The following SHROOM3 variants were observed in gnomAD, a reference collection of about 807,000 sequenced individuals.
The protein encoded by SHROOM3 is protein Shroom3.
A neutral mutation model predicts 138.6 loss-of-function variants in SHROOM3; 47 were observed. The observed-to-expected ratio is 0.34, with a 90% CI of 0.27 to 0.43. SHROOM3 has a LOEUF of 0.43. SHROOM3 is among the 20% of genes least tolerant of loss of function. The probability of loss-of-function intolerance (pLI) is 1.00; values close to 1 mark genes in which losing one functional copy is unlikely to be tolerated. For synonymous variants in SHROOM3, 1,062 were observed against 1,063.3 expected (o/e 1.00, Z 0.02); for missense variants, 2,491 against 2,596.5 (o/e 0.96, Z 0.88).
intron 1 of SHROOM3, among the ~76,000 whole-genome samples, chr4:76,438,029 A>G (rs934718232): frequency 7.9e-5 from 12 of 152,168 alleles, no homozygotes; most frequent in African/African-American, 2.9e-4. Flanking sequence ...GCAACCATGC[A>G]TTTAGGTTAG....
chr4:76,674,523 C>CTCTT (rs1187522345), intron 2 of SHROOM3, among the ~76,000 whole-genome samples: 12 of 142,784 alleles, frequency 8.4e-5, no homozygotes, highest in Non-Finnish European at 1.2e-4. Flanking sequence ...CTCTCTCTTT[C>CTCTT]TCTTTCTTTC....
intron 5 of SHROOM3, among the ~76,000 whole-genome samples, chr4:76,746,543 C>G (rs913408950): frequency 2.0e-5 from 3 of 152,092 alleles, no homozygotes; most frequent in African/African-American, 7.2e-5. Context: ...AATGTTTGCA[C>G]AAGGACAAAA....
chr4:76,694,461 T>C lies in SHROOM3; in HGVS notation c.324-15695T>C, dbSNP rs139988736. On this transcript the variant is annotated intron_variant, in intron 2 of 10. Transcript: ENST00000296043. ...TTAATTGATGTTATTTTCTTAAACATTGGCATTTCTCATTAAGGCTTCACT... is the reference window on the plus strand; with the variant it reads ...TTAATTGATGTTATTTTCTTAAACACTGGCATTTCTCATTAAGGCTTCACT... Among the ~76,000 whole-genome samples, 7 of 152,336 alleles carry C rather than the reference T, an allele frequency of 4.6e-5. No homozygotes were observed. The East Asian group carries it at 1.2e-3, about 25-fold the overall frequency.
At chr4:76,700,021 A>ACC (rs1290989021) in intron 2 of SHROOM3, among the ~76,000 whole-genome samples, 1 of 152,112 alleles carries the variant, frequency 6.6e-6, no homozygotes. Context: ...ACTGCAGGGA[A>ACC]CCCATCAGGA....
At chr4:76,556,456 C>A (rs75190227) in intron 2 of SHROOM3, among the ~76,000 whole-genome samples, 3 of 152,256 alleles carry the variant, frequency 2.0e-5, no homozygotes, top group African/African-American at 7.2e-5. Context: ...TAATCACTAT[C>A]CCCATTTTAC....
chr4:76,595,929 T>TG (rs1308961743), intron 2 of SHROOM3, among the ~76,000 whole-genome samples: 1 of 152,252 alleles, frequency 6.6e-6, no homozygotes, highest in East Asian at 1.9e-4. Flanking sequence ...GCAGAACTCT[T>TG]GCAGTTGTTA....
intron 2 of SHROOM3, among the ~76,000 whole-genome samples, chr4:76,686,761 T>A (rs962886199): frequency 1.3e-5 from 2 of 152,212 alleles, no homozygotes; most frequent in Non-Finnish European, 2.9e-5. Context: ...ATTATATTTA[T>A]CTTTCACTGA....
intron 3 of SHROOM3, among the ~76,000 whole-genome samples, chr4:76,726,610 C>T (rs1720713610): frequency 6.6e-6 from 1 of 150,388 alleles, no homozygotes; most frequent in Non-Finnish European, 1.5e-5. Context: ...GGCACACAGT[C>T]ATTGCTCGCT....
chr4:76,718,182 C>G (rs1720431617), intron 3 of SHROOM3, among the ~76,000 whole-genome samples: 1 of 152,162 alleles, frequency 6.6e-6, no homozygotes, highest in Non-Finnish European at 1.5e-5. Flanking sequence ...ATTTGCTCAT[C>G]TATATATAGA....
chr4:76,767,135 C>G (rs1264586086), intron 9 of SHROOM3, among the ~76,000 whole-genome samples: 1 of 152,088 alleles, frequency 6.6e-6, no homozygotes, highest in African/African-American at 2.4e-5. Context: ...GTTTGAAGCC[C>G]GATTGCAGTT....
At position 76,658,686 on chromosome 4, in the gene SHROOM3, G is replaced by C. The variant is rs556501614; in HGVS notation, c.324-51470G>C. ...CATGTGTGTATGTGTGTGTGTGTTT[G>C]TGTGTGTGTGCACATGCCCGCATGT... On this transcript the variant is annotated intron_variant, in intron 2 of 10. Transcript: ENST00000296043. Among the ~76,000 whole-genome samples, 5 of 151,936 alleles carry C rather than the reference G, an allele frequency of 3.3e-5. No homozygotes were observed. In the South Asian group the frequency reaches 1.0e-3, roughly 32 times the overall value.
chr4:76,453,304 G>A (rs1288603548), intron 1 of SHROOM3, among the ~76,000 whole-genome samples: 2 of 151,546 alleles, frequency 1.3e-5, no homozygotes, highest in Middle Eastern at 3.4e-3. Context: ...TAAGAGACAG[G>A]GTCTTGCTCC....
intron 1 of SHROOM3, among the ~76,000 whole-genome samples, chr4:76,504,214 A>G (rs530298697): frequency 1.3e-5 from 2 of 152,222 alleles, no homozygotes; most frequent in African/African-American, 4.8e-5. Flanking sequence ...GCTGGAGTGT[A>G]ATGGCACGAT....
chr4:76,515,552 G>C (rs979925405), intron 1 of SHROOM3, among the ~76,000 whole-genome samples: 2 of 152,150 alleles, frequency 1.3e-5, no homozygotes, highest in Non-Finnish European at 2.9e-5. Flanking sequence ...AACTTCTAAT[G>C]AGCACATTGA....
intron 2 of SHROOM3, among the ~76,000 whole-genome samples, chr4:76,565,967 G>A (rs964402930): frequency 1.3e-5 from 2 of 151,862 alleles, no homozygotes; most frequent in African/African-American, 2.4e-5. Context: ...AAAACTAGCC[G>A]GGCATGGTGG....
Position 76,503,831 on chromosome 4 carries a change from G to A in SHROOM3, c.169-51778G>A, listed in dbSNP as rs114540316. Among the ~76,000 whole-genome samples the A allele has an allele frequency of 3.8e-3, 586 of 152,298 alleles. 3 individuals carry two copies. The highest frequency in any genetic ancestry group is 0.013 in the African/African-American group (557 of 41,558). ...TGGTAGATATCCTTTATTAGTTTAA[G>A]AAAATTATCTTCTATTCTGTTTTTC... On this transcript the variant is annotated intron_variant, in intron 1 of 10. Coordinates refer to ENST00000296043, the MANE Select transcript of SHROOM3 (RefSeq NM_020859.4).
chr4:76,738,306 A>G (rs1158487912), intron 4 of SHROOM3, among the ~76,000 whole-genome samples: 1 of 152,172 alleles, frequency 6.6e-6, no homozygotes, highest in Non-Finnish European at 1.5e-5. Context: ...AAACATATAC[A>G]TGTGCACACA....
Position 76,740,677 on chromosome 4 carries a change from C to T in SHROOM3, c.2504C>T (p.Ser835Phe). Residue 835 changes from serine (S) to phenylalanine (F), a missense_variant, in exon 5 of 11, where the codon TCT (serine) becomes TTT (phenylalanine). This residue lies in a region of SHROOM3 where 1,733 missense variants were observed against 1,661.6 expected (regional missense o/e 1.04). Transcript: ENST00000296043. The surrounding 1 kb of genome is among the most constrained non-coding windows in gnomAD (Gnocchi z 4.0). ...FEETKAHIRF[S>F]ESAEPLGNGE... Reference sequence around the variant, plus strand: ...GAGACAAAAGCACACATTCGTTTCTCTGAGTCAGCTGAACCCCTAGGCAAC... The same window carrying T: ...GAGACAAAAGCACACATTCGTTTCTTTGAGTCAGCTGAACCCCTAGGCAAC... The T allele has an allele frequency of 6.2e-7, 1 of 1,614,084 alleles. No homozygotes were observed. The highest frequency in any genetic ancestry group is 1.3e-5 in the African/African-American group (1 of 75,074).
intron 2 of SHROOM3, among the ~76,000 whole-genome samples, chr4:76,572,324 C>CAAACTGTATACCGTGATAGGT (rs1160989315): frequency 6.6e-6 from 1 of 152,186 alleles, no homozygotes; most frequent in Non-Finnish European, 1.5e-5. Context: ...ATCTCAGTGA[C>CAAACTGTATACCGTGATAGGT]AAACTGTATA....
Sources: allele counts gnomAD v4.1 joint callset (sites outside exome capture counted in the v4.1 genomes callset), GRCh38; gene constraint gnomAD v4.1.1; regional missense constraint gnomAD v4.1.1; non-coding constraint Gnocchi (gnomAD v3.1); transcripts MANE v1.5; gene names NCBI Gene and HGNC (gene_info 2026-07-23, HGNC 2026-07-21).